Variants in ATP10B observed in about 807,000 individuals in gnomAD.
The protein encoded by ATP10B is phospholipid-transporting ATPase VB.
In ATP10B, 122 loss-of-function variants were observed where a neutral mutation model predicts 141.2. The ratio of observed to expected loss-of-function variants is 0.86; its 90% confidence interval spans 0.75 to 1.00. The LOEUF (loss-of-function observed/expected upper bound fraction) is 1.00, where lower values mean the gene tolerates loss of function less well. Among genes scored for constraint, ATP10B ranks in the 50% least tolerant of loss-of-function variants. The probability of loss-of-function intolerance (pLI) is 0.00; values close to 1 mark genes in which losing one functional copy is unlikely to be tolerated. For synonymous variants in ATP10B, 685 were observed against 692.0 expected, an observed-to-expected ratio of 0.99 and a Z score of 0.16; for missense variants, 1,876 against 1,825.3, an observed-to-expected ratio of 1.03 and a Z score of -0.51.
At position 160,686,153 on chromosome 5, in the gene ATP10B, C is replaced by G. The variant is rs1484576287; in HGVS notation, c.396G>C (p.Lys132Asn). 2 of 1,613,040 alleles carry G rather than the reference C, an allele frequency of 1.2e-6. No individual in the cohort carries two copies. Among genetic ancestry groups the G allele is most frequent in the Non-Finnish European group, 8.5e-7 (1 of 1,179,264 alleles). ...GTCTCTTGAAGTCCTCCATGCCATCCTTGATCATGATGACGAACAGGACAA... is the reference window on the plus strand; with the variant it reads ...GTCTCTTGAAGTCCTCCATGCCATCGTTGATCATGATGACGAACAGGACAA... ...LAIVLFVIMI[K>N]DGMEDFKRHR... is the part of the protein sequence containing the mutation. Residue 132 changes from lysine (K) to asparagine (N), a missense_variant, in exon 6 of 26, where the codon AAG becomes AAC. Lys to Asn is a moderately conservative substitution (Grantham distance 94). Coordinates refer to ENST00000327245, the MANE Select transcript of ATP10B (RefSeq NM_025153.3).
chr5:160,744,335 A>G (rs1375809012), intron 2 of ATP10B, among the ~76,000 whole-genome samples: 1 of 152,040 alleles, frequency 6.6e-6, no homozygotes, highest in East Asian at 1.9e-4. Flanking sequence ...GAATGCTGTC[A>G]TTTCTCCCAG....
At chr5:160,789,769 A>T (rs1771435615) in intron 1 of ATP10B, among the ~76,000 whole-genome samples, 1 of 152,190 alleles carries the variant, frequency 6.6e-6, no homozygotes, top group Non-Finnish European at 1.5e-5. Flanking sequence ...GGTGAGACCT[A>T]GGTTCATGTC....
intron 1 of ATP10B, among the ~76,000 whole-genome samples, chr5:160,829,591 A>C (rs1397881197): frequency 6.6e-6 from 1 of 152,126 alleles, no homozygotes; most frequent in Non-Finnish European, 1.5e-5. Context: ...CTTCCAATCC[A>C]TGAGTACGTA....
At chr5:160,663,143 G>A (rs926116951) in intron 7 of ATP10B, among the ~76,000 whole-genome samples, 2 of 151,998 alleles carry the variant, frequency 1.3e-5, no homozygotes, top group Non-Finnish European at 2.9e-5. Context: ...GAAACAACAG[G>A]TGCTGGAGAG....
intron 1 of ATP10B, among the ~76,000 whole-genome samples, chr5:160,846,078 T>TTA (rs1002622996): frequency 7.9e-5 from 12 of 152,260 alleles, no homozygotes; most frequent in African/African-American, 1.2e-4. Flanking sequence ...AAGAATTTAT[T>TTA]TATATATATA....
the ATP10B span, among the ~76,000 whole-genome samples, chr5:160,920,775 G>A: frequency 6.6e-6 from 1 of 152,270 alleles, no homozygotes; most frequent in Non-Finnish European, 1.5e-5. Context: ...CAAAAATGGA[G>A]ATTCTGATTC....
In ATP10B at chr5:160,636,233, G is replaced by A; in HGVS notation, c.1077C>T (p.Pro359=). The change falls in exon 11 of 26, where the codon CCC becomes CCT. Residue 359 remains proline (P), a synonymous_variant. Transcript: ENST00000327245. Reference sequence around the variant, plus strand: ...ACATGTAGAAGCCCCCAAGGGCACTGGGAAGGAAGCTGCCATTGGCATCTG... The same window carrying A: ...ACATGTAGAAGCCCCCAAGGGCACTAGGAAGGAAGCTGCCATTGGCATCTG... ...DVPDANGSFL[P]SALGGFYMFL... is the part of the protein sequence containing the mutation. 1 of 1,613,652 alleles carries A rather than the reference G, an allele frequency of 6.2e-7. No homozygotes were observed.
rs745672590 is a variant in ATP10B, at chr5:160,591,078, C to G, written c.3626G>C (p.Cys1209Ser). The G allele has an allele frequency of 1.2e-6, 2 of 1,613,774 alleles. No individual in the cohort carries two copies. The highest frequency in any genetic ancestry group is 1.1e-5 in the South Asian group (1 of 91,074). ...MVDAFYQSLI[C>S]FFIPYLAYKG... ...ACTTACCAGGTAAGGGATAAAGAAA[C>G]AGATGAGGCTCTGGTAGAATGCATC... The change falls in exon 23 of 26, where the codon TGT becomes TCT. Residue 1209 changes from cysteine to serine, a missense_variant. By Grantham distance (112) the Cys-to-Ser change is moderately radical (BLOSUM62 -1). Transcript: ENST00000327245.
At chr5:160,657,093 G>A (rs574679635) in intron 7 of ATP10B, among the ~76,000 whole-genome samples, 6 of 152,260 alleles carry the variant, frequency 3.9e-5, no homozygotes, top group Non-Finnish European at 5.9e-5. Flanking sequence ...AAGGAATAGG[G>A]GTTACAGGGT....
the ATP10B span, among the ~76,000 whole-genome samples, chr5:160,902,828 T>C: frequency 6.6e-6 from 1 of 152,166 alleles, no homozygotes; most frequent in South Asian, 2.1e-4. Context: ...CATTGATTAG[T>C]AAGTGATAGA....
intron 6 of ATP10B, among the ~76,000 whole-genome samples, chr5:160,673,440 T>C (rs1037164950): frequency 2.0e-5 from 3 of 152,196 alleles, no homozygotes; most frequent in African/African-American, 2.4e-5. Flanking sequence ...ATTGTACTCA[T>C]TTAGTTATTT....
chr5:160,822,989 C>CAT (rs773879988), intron 1 of ATP10B, among the ~76,000 whole-genome samples: 2,833 of 69,030 alleles, frequency 0.041, 173 homozygotes, highest in Non-Finnish European at 0.05. Flanking sequence ...ATTACATATA[C>CAT]ATATATATAT....
At chr5:160,661,836 T>G (rs1484420923) in intron 7 of ATP10B, among the ~76,000 whole-genome samples, 1 of 152,096 alleles carries the variant, frequency 6.6e-6, no homozygotes, top group African/African-American at 2.4e-5. Flanking sequence ...GGCATACAAT[T>G]AGGAAAAGAG....
At chr5:160,695,486 G>A (rs1466788717) in intron 3 of ATP10B, among the ~76,000 whole-genome samples, 1 of 44,600 alleles carries the variant, frequency 2.2e-5, no homozygotes, top group Non-Finnish European at 4.1e-5. Context: ...ATATGCGTGA[G>A]TGAGTGTGTG....
intron 2 of ATP10B, among the ~76,000 whole-genome samples, chr5:160,777,804 A>T (rs1581513276): frequency 6.6e-6 from 1 of 152,176 alleles, no homozygotes; most frequent in Admixed American, 6.5e-5. Context: ...ATCAACCTAA[A>T]TATTCATCTA....
chr5:160,792,604 G>A (rs553357480), intron 1 of ATP10B, among the ~76,000 whole-genome samples: 1 of 152,242 alleles, frequency 6.6e-6, no homozygotes, highest in Admixed American at 6.5e-5. Flanking sequence ...ACCCAGAGAT[G>A]GAACCCACAT....
the ATP10B span, among the ~76,000 whole-genome samples, chr5:160,911,192 G>C: frequency 6.6e-6 from 1 of 152,142 alleles, no homozygotes; most frequent in Non-Finnish European, 1.5e-5. Flanking sequence ...GTCATAACTA[G>C]CATAATCTCC....
At chr5:160,848,680 A>G (rs1259634174) in intron 1 of ATP10B, among the ~76,000 whole-genome samples, 4 of 152,184 alleles carry the variant, frequency 2.6e-5, no homozygotes, top group Non-Finnish European at 5.9e-5. Flanking sequence ...AAAGACATCA[A>G]AATTGCATCC....
intron 1 of ATP10B, among the ~76,000 whole-genome samples, chr5:160,794,695 C>G (rs1771818391): frequency 6.6e-6 from 1 of 152,198 alleles, no homozygotes; most frequent in South Asian, 2.1e-4. Context: ...AACTCCTTGC[C>G]TCTTAAGGCA....
Sources: gnomAD v4.1 joint callset for allele counts (sites outside exome capture counted in the v4.1 genomes callset) on GRCh38, gnomAD v4.1.1 for gene constraint, MANE v1.5 for transcripts, NCBI Gene and HGNC (gene_info 2026-07-23, HGNC 2026-07-21) for gene names.